The following FOXN2 variants were observed in gnomAD, a reference collection of about 807,000 sequenced individuals.
The protein encoded by FOXN2 is forkhead box N2.
In FOXN2, 19 loss-of-function variants were observed where a neutral mutation model predicts 41.2. The observed-to-expected ratio is 0.46, with a 90% CI of 0.32 to 0.68. The LOEUF (loss-of-function observed/expected upper bound fraction) is 0.68. Among genes scored for constraint, FOXN2 ranks in the 30% least tolerant of loss-of-function variants. The probability of loss-of-function intolerance (pLI) is 0.03; values close to 1 mark genes in which losing one functional copy is unlikely to be tolerated. For missense variants in FOXN2, 587 were observed against 509.4 expected (o/e 1.15, Z -1.47); for synonymous variants, 195 against 176.8 (o/e 1.10, Z -0.82).
intron 5 of FOXN2, among the ~76,000 whole-genome samples, chr2:48,368,474 G>C (rs996583901): frequency 6.6e-6 from 1 of 152,046 alleles, no homozygotes; most frequent in Non-Finnish European, 1.5e-5. Flanking sequence ...AGACCAGCCT[G>C]GGCAACATGG....
chr2:48,320,266 A>G (rs1430276389), intron 1 of FOXN2, among the ~76,000 whole-genome samples: 1 of 152,034 alleles, frequency 6.6e-6, no homozygotes, highest in African/African-American at 2.4e-5. Flanking sequence ...TGGCATAGTT[A>G]TACTAGACAT....
chr2:48,323,818 G>GT (rs1161144238), intron 1 of FOXN2, among the ~76,000 whole-genome samples: 3 of 152,022 alleles, frequency 2.0e-5, no homozygotes, highest in Non-Finnish European at 4.4e-5. Flanking sequence ...GTTCAGAAGA[G>GT]TTTTTTCTCG....
intron 5 of FOXN2, 85 bp from the exon 6 acceptor site, chr2:48,373,207 C>T: frequency 1.1e-6 from 1 of 904,280 alleles, no homozygotes; most frequent in Non-Finnish European, 1.7e-6. Context: ...AATTGTAACG[C>T]TGGTTATCTT....
rs1046082930 is a variant in FOXN2, at chr2:48,364,426, G to T, written c.703+1719G>T. On this transcript the variant is annotated intron_variant, in intron 5 of 6. Coordinates refer to ENST00000340553, the MANE Select transcript of FOXN2 (RefSeq NM_002158.4). ...AACATTTTGATATAATTCCTTTGGG[G>T]TTTTTTTAATGCCACATATGTGAAT... is the stretch of plus-strand genomic sequence containing the variant. Among the ~76,000 whole-genome samples, 4 of 151,788 alleles carry T rather than the reference G, an allele frequency of 2.6e-5. No homozygotes were observed. The East Asian group carries it at 7.7e-4, about 29-fold the overall frequency.
chr2:48,349,459 C>T (rs930770597), intron 3 of FOXN2, among the ~76,000 whole-genome samples: 2 of 152,046 alleles, frequency 1.3e-5, no homozygotes, highest in African/African-American at 4.8e-5. Flanking sequence ...GTCTGGATGA[C>T]AAAGTGAGAC....
intron 2 of FOXN2, among the ~76,000 whole-genome samples, chr2:48,345,394 G>T (rs1377380453): frequency 6.6e-6 from 1 of 152,106 alleles, no homozygotes; most frequent in Non-Finnish European, 1.5e-5. Context: ...CAAAGTTCTG[G>T]TTACACAAGA....
intron 2 of FOXN2, among the ~76,000 whole-genome samples, chr2:48,338,817 A>T (rs1670542232): frequency 6.6e-6 from 1 of 152,176 alleles, no homozygotes; most frequent in Non-Finnish European, 1.5e-5. Context: ...AAAAGGCAAA[A>T]ATTATAAAAC....
intron 2 of FOXN2, among the ~76,000 whole-genome samples, chr2:48,337,290 T>A (rs1344149272): frequency 3.5e-5 from 5 of 142,522 alleles, no homozygotes; most frequent in Non-Finnish European, 7.8e-5. Flanking sequence ...TGATTGGATC[T>A]CTTTTTTTTT....
chr2:48,317,903 G>A (rs1669039565), intron 1 of FOXN2, among the ~76,000 whole-genome samples: 1 of 151,686 alleles, frequency 6.6e-6, no homozygotes, highest in South Asian at 2.1e-4. Context: ...CACCACGCCC[G>A]GCTTATAGTA....
intron 1 of FOXN2, among the ~76,000 whole-genome samples, chr2:48,316,921 C>G (rs1272016067): frequency 7.4e-6 from 1 of 134,340 alleles, no homozygotes; most frequent in Non-Finnish European, 1.6e-5. Flanking sequence ...TTAATTACCC[C>G]ATAACAATGG....
In FOXN2 at chr2:48,355,232, G is replaced by A. The variant is rs1394234531; in HGVS notation, c.538-3815G>A. Among the ~76,000 whole-genome samples the A allele has an allele frequency of 2.6e-5, 4 of 152,250 alleles. No individual in the cohort carries two copies. The East Asian group carries it at 5.8e-4, about 22-fold the overall frequency. Reference sequence around the variant, plus strand: ...ATTTTTAAATGTATACATTTTTAATGTAATTAATCTGAGTGTTTTGAATGT... The same window carrying A: ...ATTTTTAAATGTATACATTTTTAATATAATTAATCTGAGTGTTTTGAATGT... On this transcript the variant is annotated intron_variant, in intron 3 of 6. Transcript: ENST00000340553.
At chr2:48,322,557 AGCTT>A (rs1231599305) in intron 1 of FOXN2, among the ~76,000 whole-genome samples, 2 of 151,964 alleles carry the variant, frequency 1.3e-5, no homozygotes, top group African/African-American at 4.8e-5. Flanking sequence ...TTTTTCATTA[AGCTT>A]GCTTTCTTTA....
Position 48,377,310 on chromosome 2 carries a change from A to C in FOXN2, c.*1867A>C, listed in dbSNP as rs1474699156. 6.6e-6 allele frequency: 1 copy of C among 152,024 alleles called. No homozygotes were observed. Among genetic ancestry groups the C allele is most frequent in the Non-Finnish European group, 1.5e-5 (1 of 67,900 alleles). 9.4% of individuals were successfully genotyped at this position (152,024 alleles called of 1,614,324 possible). On this transcript the variant is annotated 3_prime_UTR_variant, in exon 7 of 7. Transcript: ENST00000340553. ...GTGAATAAAACACCAAAAACCCAAA[A>C]ATGCTTTAACCACAGTATAAATAAT...
At chr2:48,344,807 A>T (rs373823909) in intron 2 of FOXN2, among the ~76,000 whole-genome samples, 1 of 150,146 alleles carries the variant, frequency 6.7e-6, no homozygotes, top group African/African-American at 2.5e-5. Context: ...GTAACCTGCC[A>T]TCTATGTCTT....
intron 1 of FOXN2, among the ~76,000 whole-genome samples, chr2:48,318,701 T>TA (rs1669093355): frequency 6.6e-6 from 1 of 152,238 alleles, no homozygotes; most frequent in Admixed American, 6.5e-5. Context: ...CTTGGACAGA[T>TA]ATTTATTTAG....
chr2:48,335,834 TG>T (rs1670306294), intron 2 of FOXN2, among the ~76,000 whole-genome samples: 1 of 150,056 alleles, frequency 6.7e-6, no homozygotes, highest in Non-Finnish European at 1.5e-5. Context: ...GAGACCATCC[TG>T]GTGAACACGG....
At position 48,375,042 on chromosome 2, in the gene FOXN2, AAAG is replaced by A. The variant is rs757025964; in HGVS notation, c.900_902del (p.Glu300del). The A allele has an allele frequency of 3.7e-6, 6 of 1,614,052 alleles. No homozygotes were observed. The highest frequency in any genetic ancestry group is 4.2e-6 in the Non-Finnish European group (5 of 1,179,968). On this transcript the variant is annotated inframe_deletion, in exon 7 of 7. Transcript: ENST00000340553. ...TTCTTTAGCCACCAGCATTGATCCA[AAAG>A]AAGATCACAATTACAGTGCAAGTAG... is the stretch of plus-strand genomic sequence containing the variant.
intron 2 of FOXN2, among the ~76,000 whole-genome samples, chr2:48,334,322 G>T (rs1037207581): frequency 6.6e-6 from 1 of 152,148 alleles, no homozygotes; most frequent in Non-Finnish European, 1.5e-5. Context: ...TACCTCCAGG[G>T]ATACTTCCAA....
chr2:48,333,653 T>C (rs1165717051), intron 2 of FOXN2, among the ~76,000 whole-genome samples: 1 of 152,192 alleles, frequency 6.6e-6, no homozygotes, highest in African/African-American at 2.4e-5. Context: ...TTACCTGGCT[T>C]TCCATTCTGT....
Sources: allele counts gnomAD v4.1 joint callset (sites outside exome capture counted in the v4.1 genomes callset), GRCh38; gene constraint gnomAD v4.1.1; transcripts MANE v1.5; gene names NCBI Gene and HGNC (gene_info 2026-07-23, HGNC 2026-07-21).